Variants in DNAH11 observed in about 807,000 individuals in gnomAD.
DNAH11 encodes axonemal beta dynein heavy chain 11.
Under a neutral mutation model 526.0 loss-of-function variants are expected in DNAH11, and 442 were observed. The observed-to-expected ratio is 0.84, with a 90% CI of 0.78 to 0.91. The LOEUF is 0.91. Ranked by LOEUF, DNAH11 falls within the 40% of genes least tolerant of loss-of-function variation. The pLI is 0.00. For missense variants in DNAH11, 6,989 were observed against 5,448.7 expected, an observed-to-expected ratio of 1.28 and a Z score of -8.90; for synonymous variants, 2,461 against 1,935.9, an observed-to-expected ratio of 1.27 and a Z score of -7.12.
intron 65 of DNAH11, among the ~76,000 whole-genome samples, chr7:21,839,035 C>T (rs1050200312): frequency 6.6e-6 from 1 of 152,120 alleles, no homozygotes; most frequent in African/African-American, 2.4e-5. Flanking sequence ...TAGTCATTCT[C>T]ATTGGTGTGA....
At chr7:21,649,883 C>G (rs548916605) in intron 28 of DNAH11, among the ~76,000 whole-genome samples, 1 of 152,210 alleles carries the variant, frequency 6.6e-6, no homozygotes, top group Admixed American at 6.5e-5. Flanking sequence ...CCAGGCTGGT[C>G]TCAAACTTCT....
intron 30 of DNAH11, among the ~76,000 whole-genome samples, chr7:21,676,593 A>C (rs1446239402): frequency 1.3e-5 from 2 of 152,196 alleles, no homozygotes; most frequent in African/African-American, 4.8e-5. Flanking sequence ...TTATGTTGAC[A>C]AGCTGTGTTT....
At position 21,800,380 on chromosome 7, in the gene DNAH11, C is replaced by A. The variant is rs1168341856; in HGVS notation, c.10027-757C>A. 2.6e-5 allele frequency among the ~76,000 whole-genome samples: 4 copies of A among 152,240 alleles called. No individual in the cohort carries two copies. In the South Asian group the frequency reaches 8.3e-4, roughly 32 times the overall value. Reference sequence around the variant, plus strand: ...GGCACAGTGGCTCATGCCTGTAATCCCAGCACTTGGGGAGGCCAAGGTGGG... The same window carrying A: ...GGCACAGTGGCTCATGCCTGTAATCACAGCACTTGGGGAGGCCAAGGTGGG... On this transcript the variant is annotated intron_variant, in intron 61 of 81. Transcript: ENST00000409508.
intron 70 of DNAH11, among the ~76,000 whole-genome samples, chr7:21,864,876 A>T (rs1243472787): frequency 6.6e-6 from 1 of 152,228 alleles, no homozygotes; most frequent in Non-Finnish European, 1.5e-5. Context: ...GTATGCGTGG[A>T]AAAGTTAATA....
At chr7:21,686,974 T>G (rs971879825) in intron 32 of DNAH11, 125 bp from the exon 33 acceptor site, 1 of 776,870 alleles carries the variant, frequency 1.3e-6, no homozygotes, top group Non-Finnish European at 1.9e-6. Context: ...ATCAGAAGTA[T>G]ATCAGTATTT....
chr7:21,780,453 C>T (rs762369901), intron 57 of DNAH11, among the ~76,000 whole-genome samples: 3 of 152,118 alleles, frequency 2.0e-5, no homozygotes, highest in African/African-American at 4.8e-5. Flanking sequence ...ATACAGTCAC[C>T]GTTAGCTAAT....
rs727502969 is a variant in DNAH11, at chr7:21,816,575, G to T, written c.10441G>T (p.Glu3481Ter). ...ACTGCCCAGTGACAGAATGTCCACC[G>T]AAAATGCCGCTATCCTAACACACTG... ...EGLPSDRMST[E>*]NAAILTHCER... The change falls in exon 64 of 82, where the codon GAA becomes TAA. Residue 3481 changes from glutamate to a stop codon, truncating the protein, a stop_gained. Coordinates refer to ENST00000409508, the MANE Select transcript of DNAH11 (RefSeq NM_001277115.2). LOFTEE classifies it high-confidence loss of function. 6.2e-7 allele frequency: 1 copy of T among 1,613,424 alleles called. No homozygotes were observed. Among genetic ancestry groups the T allele is most frequent in the Non-Finnish European group, 8.5e-7 (1 of 1,179,750 alleles).
At chr7:21,651,346 C>CT (rs1281076063) in intron 28 of DNAH11, among the ~76,000 whole-genome samples, 1 of 151,934 alleles carries the variant, frequency 6.6e-6, no homozygotes, top group Non-Finnish European at 1.5e-5. Context: ...TTTCATCTTT[C>CT]TTCCTTTTTT....
At chr7:21,773,393 A>G (rs1787522521) in intron 55 of DNAH11, among the ~76,000 whole-genome samples, 1 of 151,338 alleles carries the variant, frequency 6.6e-6, no homozygotes, top group Non-Finnish European at 1.5e-5. Context: ...CTTTGTCTAA[A>G]GCTTAGTTTG....
intron 64 of DNAH11, among the ~76,000 whole-genome samples, chr7:21,817,893 A>G (rs1286741992): frequency 6.6e-6 from 1 of 152,224 alleles, no homozygotes; most frequent in Non-Finnish European, 1.5e-5. Context: ...AAAAAGAGCC[A>G]TCAAATGAAT....
chr7:21,794,169 T>A (rs1485611146), intron 61 of DNAH11, among the ~76,000 whole-genome samples: 1 of 152,142 alleles, frequency 6.6e-6, no homozygotes, highest in East Asian at 1.9e-4. Context: ...TATCTTGGAG[T>A]CGGCTGAGTT....
chr7:21,802,859 C>G (rs909202857), intron 62 of DNAH11, among the ~76,000 whole-genome samples: 3 of 151,530 alleles, frequency 2.0e-5, no homozygotes, highest in African/African-American at 7.3e-5. Flanking sequence ...TGGGGAGTGA[C>G]TACTACTGGA....
rs75671516 is a variant in DNAH11, at chr7:21,710,481, A to T, written c.6684-72A>T. The stretch of plus-strand genomic sequence containing the variant: ...GCAAAATCGTTTTTATTTAGTTAAT[A>T]AAAGAGCTTCCAAGATGAATAATAT... On this transcript the variant is annotated intron_variant, in intron 40 of 81. Coordinates refer to ENST00000409508, the MANE Select transcript of DNAH11 (RefSeq NM_001277115.2). 178 of 1,406,996 alleles carry T rather than the reference A, an allele frequency of 1.3e-4. 2 individuals carry two copies. In the East Asian group the frequency reaches 4.2e-3, roughly 34 times the overall value. 87.2% of individuals were successfully genotyped at this position (1,406,996 alleles called of 1,614,324 possible).
intron 34 of DNAH11, among the ~76,000 whole-genome samples, chr7:21,689,077 C>A (rs764542959): frequency 6.6e-6 from 1 of 152,318 alleles, no homozygotes; most frequent in East Asian, 1.9e-4. Context: ...TAGAAAATCT[C>A]TCAGTCCTTC....
In DNAH11 at chr7:21,856,446, T is replaced by C. The variant is rs1406152434; in HGVS notation, c.11202+1991T>C. 2.0e-5 allele frequency among the ~76,000 whole-genome samples: 3 copies of C among 152,092 alleles called. No individual in the cohort carries two copies. In the East Asian group the frequency reaches 5.8e-4, roughly 29 times the overall value. On this transcript the variant is annotated intron_variant, in intron 68 of 81. Transcript: ENST00000409508. The stretch of plus-strand genomic sequence containing the variant: ...TGTGGTTGGAGTTTGAAAGTAACCA[T>C]GTGTGAGGAGAAGAGTAAAACTAAA...
intron 71 of DNAH11, among the ~76,000 whole-genome samples, chr7:21,867,606 A>AG (rs1378702331): frequency 5.3e-5 from 8 of 152,122 alleles, no homozygotes; most frequent in Non-Finnish European, 1.0e-4. Flanking sequence ...GATGGCACTC[A>AG]GGGGGGTCTC....
chr7:21,825,153 G>A (rs1790224286), intron 65 of DNAH11, among the ~76,000 whole-genome samples: 1 of 152,164 alleles, frequency 6.6e-6, no homozygotes, highest in Admixed American at 6.6e-5. Context: ...TTACAGGCAT[G>A]AGCCACCACA....
intron 7 of DNAH11, 188 bp downstream of exon 7, chr7:21,570,487 G>A: frequency 2.1e-6 from 1 of 468,728 alleles, no homozygotes; most frequent in Non-Finnish European, 3.7e-6. Flanking sequence ...TCTTTAATTT[G>A]GATTTTTTAA....
At chr7:21,753,283 C>G (rs1034551627) in intron 54 of DNAH11, among the ~76,000 whole-genome samples, 3 of 152,178 alleles carry the variant, frequency 2.0e-5, no homozygotes, top group South Asian at 2.1e-4. Flanking sequence ...AGCTCCTCCC[C>G]CAAACCCTAA....
Sources: gnomAD v4.1 joint callset for allele counts (sites outside exome capture counted in the v4.1 genomes callset) on GRCh38, gnomAD v4.1.1 for gene constraint, MANE v1.5 for transcripts, NCBI Gene and HGNC (gene_info 2026-07-23, HGNC 2026-07-21) for gene names.